Variants in LARGE1 observed in about 807,000 individuals in gnomAD.
LARGE1 encodes the protein LARGE xylosyl- and glucuronyltransferase 1.
LARGE1 carries 43 observed loss-of-function variants against 87.6 expected under a neutral mutation model. That is an observed-to-expected ratio of 0.49 (90% CI 0.38 to 0.63). The LOEUF (loss-of-function observed/expected upper bound fraction) is 0.63. Among genes scored for constraint, LARGE1 ranks in the 30% least tolerant of loss-of-function variants. LARGE1 has a pLI of 0.00. For missense variants in LARGE1, 802 were observed against 1,000.2 expected, an observed-to-expected ratio of 0.80 and a Z score of 2.67; for synonymous variants, 434 against 394.6, an observed-to-expected ratio of 1.10 and a Z score of -1.18.
At chr22:33,652,001 G>A (rs562388240) in intron 2 of LARGE1, among the ~76,000 whole-genome samples, 6 of 152,172 alleles carry the variant, frequency 3.9e-5, no homozygotes, top group African/African-American at 1.4e-4. Context: ...GTGAAACCCC[G>A]TCTCTACTAA....
chr22:33,368,427 G>C (rs1244613757), intron 9 of LARGE1, among the ~76,000 whole-genome samples: 1 of 151,536 alleles, frequency 6.6e-6, no homozygotes, highest in Non-Finnish European at 1.5e-5. Context: ...CTAGCTACTT[G>C]CGAGGCTGAG....
intron 6 of LARGE1, among the ~76,000 whole-genome samples, chr22:33,556,542 G>GGGAA: frequency 1.6e-5 from 1 of 62,688 alleles, no homozygotes; most frequent in African/African-American, 6.4e-5. Context: ...GAGGGAAGGA[G>GGGAA]GGAGGGAGGG....
At chr22:33,294,723 CTGGGCTTGAGGTCT>C (rs1932993783) in intron 12 of LARGE1, among the ~76,000 whole-genome samples, 1 of 152,150 alleles carries the variant, frequency 6.6e-6, no homozygotes, top group South Asian at 2.1e-4. Flanking sequence ...CTCAGCCCTG[CTGGGCTTGAGGTCT>C]GGGGTGAGCC....
At chr22:33,617,917 A>G (rs1312349997) in intron 4 of LARGE1, among the ~76,000 whole-genome samples, 1 of 152,216 alleles carries the variant, frequency 6.6e-6, no homozygotes, top group Non-Finnish European at 1.5e-5. Context: ...TGATTAAGCC[A>G]TTGCTTTCTT....
chr22:33,258,985 C>T (rs1927468272), intron 11 of LARGE1, among the ~76,000 whole-genome samples: 1 of 151,772 alleles, frequency 6.6e-6, no homozygotes, highest in African/African-American at 2.4e-5. Flanking sequence ...TCAAGCAATT[C>T]TCCTGCCTCA....
chr22:33,630,842 T>A (rs1194760481), intron 3 of LARGE1, among the ~76,000 whole-genome samples: 2 of 150,708 alleles, frequency 1.3e-5, no homozygotes, highest in African/African-American at 2.5e-5. Context: ...AAATTTAAAA[T>A]TTTTTTTAAC....
At chr22:33,189,882 G>A (rs1480900529) in intron 11 of LARGE1, among the ~76,000 whole-genome samples, 1 of 152,168 alleles carries the variant, frequency 6.6e-6, no homozygotes, top group Non-Finnish European at 1.5e-5. Context: ...CGCAGGGAGA[G>A]GGCACAGCAA....
At chr22:33,865,121 C>A (rs936423930) in intron 1 of LARGE1, among the ~76,000 whole-genome samples, 1 of 152,226 alleles carries the variant, frequency 6.6e-6, no homozygotes, top group Admixed American at 6.5e-5. Flanking sequence ...TCTGCTTCCA[C>A]GTCTGTGCAG....
chr22:33,097,314 C>T, the LARGE1 span, among the ~76,000 whole-genome samples: 14 of 152,346 alleles, frequency 9.2e-5, no homozygotes, highest in Admixed American at 5.9e-4. Context: ...TCCATTTATT[C>T]TCCTTCCCCC....
intron 11 of LARGE1, among the ~76,000 whole-genome samples, chr22:33,178,727 A>G (rs2146158466): frequency 6.6e-6 from 1 of 152,274 alleles, no homozygotes; most frequent in South Asian, 2.1e-4. Flanking sequence ...AATTTCTAGT[A>G]TACCAATGTG....
intron 5 of LARGE1, among the ~76,000 whole-genome samples, chr22:33,586,750 C>T (rs900922245): frequency 1.3e-5 from 2 of 152,196 alleles, no homozygotes; most frequent in Non-Finnish European, 2.9e-5. Context: ...AGCCACCGCG[C>T]CCAGCTGAGA....
At chr22:33,868,982 G>C (rs188834926) in intron 1 of LARGE1, among the ~76,000 whole-genome samples, 5 of 152,294 alleles carry the variant, frequency 3.3e-5, no homozygotes, top group Admixed American at 3.3e-4. Flanking sequence ...CAAACGTGGG[G>C]TTGTGGAAAG....
chr22:33,682,917 T>TTG (rs1414059981), intron 2 of LARGE1, among the ~76,000 whole-genome samples: 1 of 152,224 alleles, frequency 6.6e-6, no homozygotes, highest in African/African-American at 2.4e-5. Context: ...CCAAGTTTGC[T>TTG]GGCTCCAACC....
chr22:33,226,345 G>A (rs747804969), intron 11 of LARGE1, among the ~76,000 whole-genome samples: 5 of 152,114 alleles, frequency 3.3e-5, no homozygotes, highest in Admixed American at 1.3e-4. Context: ...AGTTCTTCTC[G>A]AAGTCCCAAT....
intron 6 of LARGE1, among the ~76,000 whole-genome samples, chr22:33,480,054 C>T (rs2069248716): frequency 6.6e-6 from 1 of 152,084 alleles, no homozygotes. Context: ...AAGAATGCCT[C>T]TTATCGGTCA....
intron 6 of LARGE1, among the ~76,000 whole-genome samples, chr22:33,507,653 C>T (rs1026927194): frequency 6.6e-6 from 1 of 152,156 alleles, no homozygotes; most frequent in African/African-American, 2.4e-5. Flanking sequence ...TGTACCACAA[C>T]GTGAATGCAC....
intron 7 of LARGE1, among the ~76,000 whole-genome samples, chr22:33,389,573 G>A (rs1279476846): frequency 2.0e-5 from 3 of 152,206 alleles, no homozygotes; most frequent in East Asian, 1.9e-4. Context: ...AGCTGGGTGC[G>A]GTGGCTCATG....
chr22:33,220,498 G>C (rs1041784122), intron 11 of LARGE1, among the ~76,000 whole-genome samples: 1 of 152,156 alleles, frequency 6.6e-6, no homozygotes, highest in African/African-American at 2.4e-5. Context: ...GAACAGGGTG[G>C]AGTGAAAGGG....
chr22:33,867,250 A>T (rs1254660721), intron 1 of LARGE1, among the ~76,000 whole-genome samples: 1 of 152,200 alleles, frequency 6.6e-6, no homozygotes. Flanking sequence ...AGTGTTATGT[A>T]TAAAACCTTA....
Sources: allele counts gnomAD v4.1 joint callset (sites outside exome capture counted in the v4.1 genomes callset), GRCh38; gene constraint gnomAD v4.1.1; transcripts MANE v1.5; gene names NCBI Gene and HGNC (gene_info 2026-07-23, HGNC 2026-07-21).